ITGB5: variants seen among roughly 807,000 people sequenced by gnomAD.
The protein encoded by ITGB5 is integrin beta-5.
Under a neutral mutation model 84.8 loss-of-function variants are expected in ITGB5, and 38 were observed. The observed-to-expected ratio is 0.45, with a 90% CI of 0.35 to 0.59. The LOEUF (loss-of-function observed/expected upper bound fraction) is 0.59, where lower values mean the gene tolerates loss of function less well. ITGB5 is among the 20% of genes least tolerant of loss of function. The pLI, the probability that ITGB5 is intolerant of heterozygous loss-of-function variation, is 0.01. For synonymous variants in ITGB5, 393 were observed against 414.4 expected (o/e 0.95, Z 0.63); for missense variants, 905 against 1,034.5 (o/e 0.87, Z 1.72).
upstream of ITGB5, among the ~76,000 whole-genome samples, chr3:124,890,027 T>G (rs1934962593): frequency 6.6e-6 from 1 of 151,478 alleles, no homozygotes; most frequent in Non-Finnish European, 1.5e-5. Flanking sequence ...AATCAATCAA[T>G]CAATCAATGC....
chr3:124,798,518 C>T (rs973954418), intron 9 of ITGB5, among the ~76,000 whole-genome samples: 1 of 152,248 alleles, frequency 6.6e-6, no homozygotes, highest in East Asian at 1.9e-4. Flanking sequence ...CTCCCAGGTG[C>T]AAGCGATTTT....
At chr3:124,765,180 C>A (rs1195213129) in intron 13 of ITGB5, among the ~76,000 whole-genome samples, 4 of 152,152 alleles carry the variant, frequency 2.6e-5, no homozygotes, top group Non-Finnish European at 5.9e-5. Flanking sequence ...TTGAAGAGAG[C>A]AAATCTTTTT....
rs764006890 is a variant in ITGB5 at position 124,762,261 on chromosome 3, T to TGAA, written c.*1359_*1361dup. On this transcript the variant is annotated 3_prime_UTR_variant, in exon 15 of 15. Coordinates refer to ENST00000296181, the MANE Select transcript of ITGB5 (RefSeq NM_002213.5). ...ATTTGGAATGAAAGCATAATAACCT[T>TGAA]GAAGTTATTCCAGTGACAAAAAATG... is the stretch of plus-strand genomic sequence containing the variant. 1.6e-4 allele frequency: 24 copies of TGAA among 152,294 alleles called. No homozygotes were observed. The highest frequency in any genetic ancestry group is 3.4e-3 in the Middle Eastern group (1 of 294). The allele number at this position is 152,294 out of a possible 1,614,324, so 9.4% of individuals were successfully genotyped here. A position where few individuals can be genotyped will look rare whatever the true frequency, so the allele number is the denominator to read the frequency against.
chr3:124,839,463 C>G (rs2064982989), intron 5 of ITGB5, among the ~76,000 whole-genome samples: 1 of 152,204 alleles, frequency 6.6e-6, no homozygotes. Context: ...CATGCCCTTT[C>G]AATTCATCTA....
At chr3:124,892,452 G>T (rs573711377), upstream of ITGB5, among the ~76,000 whole-genome samples, 8 of 151,236 alleles carry the variant, frequency 5.3e-5, no homozygotes, top group East Asian at 1.9e-4. Flanking sequence ...TGGGAGGAAG[G>T]GGGGAGGGAG....
intron 5 of ITGB5, among the ~76,000 whole-genome samples, chr3:124,826,088 G>A (rs2064781580): frequency 6.6e-6 from 1 of 152,170 alleles, no homozygotes; most frequent in South Asian, 2.1e-4. Context: ...TAAGAAACAA[G>A]CATAACTCTC....
chr3:124,819,877 G>C, intron 6 of ITGB5, 43 bp from the exon 7 acceptor site: 1 of 1,404,862 alleles, frequency 7.1e-7, no homozygotes, highest in Non-Finnish European at 1.0e-6. Flanking sequence ...TTCCTAACAG[G>C]TGTAGATACC....
At chr3:124,799,503 T>C (rs2064283851) in intron 9 of ITGB5, among the ~76,000 whole-genome samples, 1 of 152,128 alleles carries the variant, frequency 6.6e-6, no homozygotes, top group Non-Finnish European at 1.5e-5. Context: ...GAGGTTGCAG[T>C]GAGCCGTGAT....
chr3:124,783,223 G>A (rs924120797), intron 10 of ITGB5, among the ~76,000 whole-genome samples: 17 of 150,130 alleles, frequency 1.1e-4, no homozygotes, highest in Admixed American at 9.3e-4. Flanking sequence ...CCAGGCAGGC[G>A]GAGGTTGCAA....
At chr3:124,890,428 A>G (rs1934975463), upstream of ITGB5, among the ~76,000 whole-genome samples, 1 of 151,324 alleles carries the variant, frequency 6.6e-6, no homozygotes, top group Admixed American at 6.6e-5. Flanking sequence ...GACGGTCTGG[A>G]TCTCCTGACC....
intron 10 of ITGB5, among the ~76,000 whole-genome samples, chr3:124,790,923 T>G (rs2064141122): frequency 6.6e-6 from 1 of 152,190 alleles, no homozygotes; most frequent in African/African-American, 2.4e-5. Flanking sequence ...TTAAATTTCC[T>G]CATTATGTGG....
intron 1 of ITGB5, among the ~76,000 whole-genome samples, chr3:124,882,066 G>A (rs1934595259): frequency 6.6e-6 from 1 of 152,180 alleles, no homozygotes; most frequent in African/African-American, 2.4e-5. Context: ...AGCTAGCTGT[G>A]GAAGGCAACA....
chr3:124,861,686 C>T (rs1380037164), intron 2 of ITGB5, among the ~76,000 whole-genome samples: 5 of 151,806 alleles, frequency 3.3e-5, no homozygotes, highest in African/African-American at 4.8e-5. Context: ...CTCAGCCTCC[C>T]GAGTAGCTGG....
chr3:124,822,799 C>T (rs2064727100), intron 5 of ITGB5, among the ~76,000 whole-genome samples: 1 of 152,130 alleles, frequency 6.6e-6, no homozygotes, highest in Non-Finnish European at 1.5e-5. Flanking sequence ...AGTTCCAGAC[C>T]TCAAAGAGCT....
At chr3:124,814,642 C>G (rs1256140898) in intron 8 of ITGB5, among the ~76,000 whole-genome samples, 2 of 151,952 alleles carry the variant, frequency 1.3e-5, no homozygotes, top group Non-Finnish European at 2.9e-5. Context: ...TTTTTGGTCT[C>G]GCTATGTTGA....
At chr3:124,873,577 C>G (rs1323207791) in intron 1 of ITGB5, 46 bp from the exon 2 acceptor site, 2 of 1,383,662 alleles carry the variant, frequency 1.4e-6, no homozygotes, top group Non-Finnish European at 2.1e-6. Flanking sequence ...TGGCTATAAA[C>G]TTCATGGATC....
chr3:124,864,049 A>C (rs901628735), intron 2 of ITGB5, among the ~76,000 whole-genome samples: 35 of 145,834 alleles, frequency 2.4e-4, no homozygotes, highest in Non-Finnish European at 1.5e-5. Flanking sequence ...AAGAAAAAAG[A>C]AAAAGAAAGA....
At chr3:124,809,274 G>T in intron 8 of ITGB5, 118 bp from the exon 9 acceptor site, 1 of 1,077,792 alleles carries the variant, frequency 9.3e-7, no homozygotes, top group Non-Finnish European at 1.4e-6. Flanking sequence ...CCAAGCCAAA[G>T]GAAGAGCCAG....
chr3:124,834,680 AGAAG>A (rs1010039345), intron 5 of ITGB5, among the ~76,000 whole-genome samples: 15 of 150,298 alleles, frequency 1.0e-4, no homozygotes, highest in Non-Finnish European at 1.5e-4. Context: ...GAGGGAGGAA[AGAAG>A]GAAGGAAGGA....
Sources: allele counts gnomAD v4.1 joint callset (sites outside exome capture counted in the v4.1 genomes callset), GRCh38; gene constraint gnomAD v4.1.1; transcripts MANE v1.5; gene names NCBI Gene and HGNC (gene_info 2026-07-23, HGNC 2026-07-21).